The following DST variants were observed in gnomAD, a reference collection of about 807,000 sequenced individuals.
The protein encoded by DST is bullous pemphigoid antigen.
A neutral mutation model predicts 875.2 loss-of-function variants in DST; 253 were observed. The observed-to-expected ratio is 0.29, with a 90% confidence interval of 0.26 to 0.32. The LOEUF (loss-of-function observed/expected upper bound fraction) is 0.32, where lower values mean the gene tolerates loss of function less well. DST is among the 10% of genes least tolerant of loss of function. DST has a pLI of 1.00. For missense variants in DST, 8,287 were observed against 9,111.6 expected (o/e 0.91, Z 3.68); for synonymous variants, 3,124 against 3,197.1 (o/e 0.98, Z 0.77).
chr6:56,674,040 G>T (rs2099115987), intron 9 of DST, among the ~76,000 whole-genome samples: 1 of 152,182 alleles, frequency 6.6e-6, no homozygotes, highest in South Asian at 2.1e-4. Context: ...TAAGTCTTCA[G>T]TTGTCATTCA....
chr6:56,778,521 T>C (rs2099684501), intron 4 of DST, among the ~76,000 whole-genome samples: 1 of 147,324 alleles, frequency 6.8e-6, no homozygotes, highest in African/African-American at 2.5e-5. Context: ...CTCCAAATGG[T>C]ATCCCTCCCC....
intron 56 of DST, 35 bp downstream of exon 56, chr6:56,562,103 A>G: frequency 7.5e-7 from 1 of 1,337,276 alleles, no homozygotes; most frequent in African/African-American, 1.5e-5. Flanking sequence ...ACATCAAATT[A>G]CATTAATCAG....
At chr6:56,868,529 T>C (rs907490289) in intron 3 of DST, among the ~76,000 whole-genome samples, 1 of 151,986 alleles carries the variant, frequency 6.6e-6, no homozygotes, top group Non-Finnish European at 1.5e-5. Context: ...AAACAGAAAA[T>C]ACCCTCTCCC....
intron 4 of DST, among the ~76,000 whole-genome samples, chr6:56,849,388 G>A (rs1763837146): frequency 6.6e-6 from 1 of 152,084 alleles, no homozygotes; most frequent in Non-Finnish European, 1.5e-5. Context: ...GCCCACGGGG[G>A]CCTCCCAAAG....
At chr6:56,479,813 T>C (rs2095340996) in intron 90 of DST, among the ~76,000 whole-genome samples, 1 of 152,190 alleles carries the variant, frequency 6.6e-6, no homozygotes, top group African/African-American at 2.4e-5. Context: ...GTTGAAACAT[T>C]ACCTATTGGG....
rs1776799749 is a variant in DST at position 56,870,932 on chromosome 6, G to C, written c.418-19328C>G. ...AAGTAGGAGTTAGGAATAAGAGACT[G>C]TCAAAAATACCAAGCAATGAAAATA... On this transcript the variant is annotated intron_variant, in intron 3 of 103. Coordinates refer to ENST00000680361, the MANE Select transcript of DST (RefSeq NM_001374736.1). Among the ~76,000 whole-genome samples the C allele has an allele frequency of 2.0e-5, 3 of 151,820 alleles. No individual in the cohort carries two copies. In the South Asian group the frequency reaches 6.2e-4, roughly 32 times the overall value.
At chr6:56,647,401 T>A (rs75828095) in intron 13 of DST, among the ~76,000 whole-genome samples, 1 of 152,128 alleles carries the variant, frequency 6.6e-6, no homozygotes, top group Admixed American at 6.5e-5. Flanking sequence ...AAGGACAAAC[T>A]CCCCGTGGCA....
rs763867281 is a variant in DST at position 56,605,492 on chromosome 6, C to A, written c.9136G>T (p.Asp3046Tyr). ...RDGKSDILIE[D>Y]ETSIQKMYLG... is the part of the protein sequence containing the mutation. ...TACATTTTCTGAATTGATGTTTCAT[C>A]TTCTATTAGAATATCACTTTTGCCA... Residue 3046 changes from aspartate to tyrosine, a missense_variant, in exon 40 of 104, where the codon GAT (aspartate) becomes TAT (tyrosine). By Grantham distance (160) the Asp-to-Tyr change is radical (BLOSUM62 -3). This residue lies in a region of DST where 3,138 missense variants were observed against 3,116.6 expected (regional missense o/e 1.01). Coordinates refer to ENST00000680361, the MANE Select transcript of DST (RefSeq NM_001374736.1). The A allele has an allele frequency of 6.2e-7, 1 of 1,612,858 alleles. No individual in the cohort carries two copies. Among genetic ancestry groups the A allele is most frequent in the Non-Finnish European group, 8.5e-7 (1 of 1,179,324 alleles).
In DST at chr6:56,632,036, C is replaced by G; in HGVS notation, c.3810G>C (p.Glu1270Asp). Residue 1270 changes from glutamate to aspartate, a missense_variant, in exon 29 of 104, where the codon GAG (glutamate) becomes GAC (aspartate). Transcript: ENST00000680361. ...AGAGATTATAAACTGATTCCTCTTG[C>G]TCCTCTGTGAAAATAAATATGTTTA... ...QELLKSAERE[E>D]QEESVYNLYI... 2 of 1,610,974 alleles carry G rather than the reference C, an allele frequency of 1.2e-6. No individual in the cohort carries two copies. The highest frequency in any genetic ancestry group is 1.7e-6 in the Non-Finnish European group (2 of 1,177,314).
chr6:56,790,989 A>G (rs935566811), intron 4 of DST, among the ~76,000 whole-genome samples: 1 of 152,352 alleles, frequency 6.6e-6, no homozygotes, highest in African/African-American at 2.4e-5. Flanking sequence ...GAAAGGTTGA[A>G]GGTGAGAGAC....
chr6:56,615,951 T>C (rs1340174581), intron 36 of DST: 1 of 1,614,078 alleles, frequency 6.2e-7, no homozygotes, highest in African/African-American at 1.3e-5. Flanking sequence ...ACCAGGCCTC[T>C]ATGCAAAGCT....
chr6:56,826,577 T>C (rs1017735480), intron 4 of DST, among the ~76,000 whole-genome samples: 1 of 152,214 alleles, frequency 6.6e-6, no homozygotes, highest in Non-Finnish European at 1.5e-5. Context: ...TTTCTTTTTT[T>C]ACAAGAAAGC....
chr6:56,568,619 T>G, intron 54 of DST, 24 bp from the exon 55 acceptor site: 1 of 1,549,278 alleles, frequency 6.5e-7, no homozygotes. Flanking sequence ...AACACATTAT[T>G]TTTCCATCTT....
In DST at chr6:56,604,229, C is replaced by G. The variant is rs765369545; in HGVS notation, c.10399G>C (p.Glu3467Gln). ...AGGTCATACTCCATATGAGTTAATT[C>G]TCTCATCAATTCAAATACTCCTGTA... is the stretch of plus-strand genomic sequence containing the variant. Reference protein sequence around the residue: ...KITGVFELMRELTHMEYDLEK... With the variant: ...KITGVFELMRQLTHMEYDLEK... The change falls in exon 40 of 104, where the codon GAA becomes CAA. Residue 3467 changes from glutamate to glutamine, a missense_variant. Around this residue, in one of 10 missense-constraint regions of DST, gnomAD observed 3,138 missense variants for 3,116.6 expected, o/e 1.01. Coordinates refer to ENST00000680361, the MANE Select transcript of DST (RefSeq NM_001374736.1). 5 of 1,608,672 alleles carry G rather than the reference C, an allele frequency of 3.1e-6. No homozygotes were observed. The African/African-American group carries it at 6.7e-5, about 22-fold the overall frequency.
At chr6:56,545,002 T>G (rs76363671) in intron 61 of DST, among the ~76,000 whole-genome samples, 2,282 of 152,206 alleles carry the variant, frequency 0.015, 57 homozygotes, top group African/African-American at 0.052. Flanking sequence ...AATCATGATA[T>G]CTAGATCCAT....
Position 56,840,536 on chromosome 6 carries a change from G to A in DST, c.625+10861C>T, listed in dbSNP as rs116171236. Among the ~76,000 whole-genome samples, 477 of 152,228 alleles carry A rather than the reference G, an allele frequency of 3.1e-3. 2 individuals are homozygous for A. The highest frequency in any genetic ancestry group is 0.011 in the African/African-American group (464 of 41,544). On this transcript the variant is annotated intron_variant, in intron 4 of 103. Coordinates refer to ENST00000680361, the MANE Select transcript of DST (RefSeq NM_001374736.1). ...ATATATTTTACAAGTAACAGGACTC[G>A]AATATGAATCAGAACACTGCACCCT...
In DST at chr6:56,553,493, T is replaced by C. The variant is rs766735738; in HGVS notation, c.15299A>G (p.His5100Arg). The change falls in exon 61 of 104, where the codon CAT becomes CGT. Residue 5100 changes from histidine to arginine, a missense_variant. By Grantham distance (29) the His-to-Arg change is conservative. Around this residue, in one of 10 missense-constraint regions of DST, gnomAD observed 1,513 missense variants for 1,677.8 expected, o/e 0.90. Transcript: ENST00000680361. The part of the protein sequence containing the change: ...LDVLESLIKD[H>R]KDFSKTLTAQ... ...GGTCAAAGTTTTACTAAAGTCTTTA[T>C]GATCTTTAATTAATGACTCCAAGAC... 6.8e-6 allele frequency: 11 copies of C among 1,613,882 alleles called. No individual in the cohort carries two copies. The Admixed American group carries it at 1.5e-4, about 22-fold the overall frequency.
chr6:56,691,422 C>T (rs922513127), intron 9 of DST, among the ~76,000 whole-genome samples: 37 of 152,188 alleles, frequency 2.4e-4, no homozygotes, highest in Middle Eastern at 6.8e-3. Context: ...GTGATGATGG[C>T]GCACACTAAC....
intron 4 of DST, among the ~76,000 whole-genome samples, chr6:56,737,084 C>T (rs1445017935): frequency 6.6e-6 from 1 of 152,186 alleles, no homozygotes; most frequent in East Asian, 1.9e-4. Flanking sequence ...GTCTCAGCTA[C>T]TTGGGAGGCT....
Sources: gnomAD v4.1 joint callset for allele counts (sites outside exome capture counted in the v4.1 genomes callset) on GRCh38, gnomAD v4.1.1 for gene constraint, gnomAD v4.1.1 regional missense constraint, MANE v1.5 for transcripts, NCBI Gene and HGNC (gene_info 2026-07-23, HGNC 2026-07-21) for gene names.